The following TMEM38B variants were observed in gnomAD, a reference collection of about 807,000 sequenced individuals.
TMEM38B encodes the protein trimeric intracellular cation channel type B.
In TMEM38B, 24 loss-of-function variants were observed where a neutral mutation model predicts 28.7. The ratio of observed to expected loss-of-function variants is 0.84; its 90% CI spans 0.61 to 1.18. The LOEUF is 1.18. Among genes scored for constraint, TMEM38B ranks in the 50% most tolerant of loss-of-function variants. The probability of loss-of-function intolerance (pLI) is 0.00; values close to 1 mark genes in which losing one functional copy is unlikely to be tolerated. For missense variants in TMEM38B, 380 were observed against 350.9 expected (o/e 1.08, Z -0.66); for synonymous variants, 131 against 127.7 (o/e 1.03, Z -0.17).
intron 5 of TMEM38B, chr9:105,760,164 G>C: frequency 1.1e-6 from 1 of 900,796 alleles, no homozygotes; most frequent in Non-Finnish European, 1.9e-6. Context: ...ATTGTAGAAA[G>C]CTTCAACTTT....
chr9:105,724,814 G>C (rs1381458707), intron 4 of TMEM38B, among the ~76,000 whole-genome samples: 1 of 152,164 alleles, frequency 6.6e-6, no homozygotes, highest in Non-Finnish European at 1.5e-5. Context: ...ATTCAGGGGA[G>C]ATTTTTCTCA....
At chr9:105,772,719 C>T (rs1826594305) in intron 5 of TMEM38B, among the ~76,000 whole-genome samples, 1 of 151,904 alleles carries the variant, frequency 6.6e-6, no homozygotes, top group Non-Finnish European at 1.5e-5. Context: ...TTTTAAAATA[C>T]ACATTTCAGT....
chr9:105,712,130 G>A (rs889365938), intron 2 of TMEM38B, among the ~76,000 whole-genome samples: 2 of 152,142 alleles, frequency 1.3e-5, no homozygotes, highest in Admixed American at 1.3e-4. Flanking sequence ...GGCCAGGCTG[G>A]TCTCGAATTC....
At chr9:105,747,613 T>C (rs1837466966) in intron 4 of TMEM38B, among the ~76,000 whole-genome samples, 1 of 152,330 alleles carries the variant, frequency 6.6e-6, no homozygotes, top group East Asian at 1.9e-4. Flanking sequence ...TCTTGCCTTC[T>C]GCTAGCTTTT....
intron 2 of TMEM38B, among the ~76,000 whole-genome samples, chr9:105,716,374 T>TTGTGTGTGTGTGTGTGTGTGTGTGTGTG (rs139155061): frequency 2.7e-4 from 40 of 150,744 alleles, no homozygotes; most frequent in African/African-American, 9.5e-4. Flanking sequence ...GTTGTAGCAT[T>TTGTGTGTGTGTGTGTGTGTGTGTGTGTG]TGTGTGTGTG....
intron 1 of TMEM38B, among the ~76,000 whole-genome samples, chr9:105,695,505 T>C (rs1835257954): frequency 2.6e-5 from 4 of 152,232 alleles, no homozygotes. Flanking sequence ...TGAGTTCTTT[T>C]AGCAATGCGA....
intron 2 of TMEM38B, among the ~76,000 whole-genome samples, chr9:105,712,398 A>C (rs10739211): frequency 0.43 from 65,162 of 152,024 alleles, 16,087 homozygotes; most frequent in African/African-American, 0.68. Context: ...GTTAACCCTT[A>C]ATTTCTTTCT....
At chr9:105,748,267 C>A in intron 5 of TMEM38B, 77 bp downstream of exon 5, 2 of 1,001,850 alleles carry the variant, frequency 2.0e-6, no homozygotes, top group African/African-American at 1.6e-5. Flanking sequence ...GCATGCTGGG[C>A]AAGTAAGAGG....
At position 105,738,393 on chromosome 9, in the gene TMEM38B, A is replaced by G. The variant is rs191540326; in HGVS notation, c.543-9680A>G. 1.0e-3 allele frequency among the ~76,000 whole-genome samples: 158 copies of G among 152,044 alleles called. 1 individual carries two copies. The highest frequency in any genetic ancestry group is 4.8e-3 in the South Asian group (23 of 4,812). ...CTTTTCTTCCCTTCTCTACATGGCC[A>G]TACTCTGTTTTTGTGCTCTATATAT... On this transcript the variant is annotated intron_variant, in intron 4 of 5. Coordinates refer to ENST00000374692, the MANE Select transcript of TMEM38B (RefSeq NM_018112.3).
chr9:105,731,815 T>C (rs1242253788), intron 4 of TMEM38B, among the ~76,000 whole-genome samples: 1 of 152,206 alleles, frequency 6.6e-6, no homozygotes, highest in Non-Finnish European at 1.5e-5. Context: ...CCTTTAGGTA[T>C]ATACCCAGTA....
chr9:105,694,924 G>A (rs1392406610), intron 1 of TMEM38B, 152 bp downstream of exon 1: 1 of 677,844 alleles, frequency 1.5e-6, no homozygotes, highest in Non-Finnish European at 2.5e-6. Flanking sequence ...CCAAGGGCCG[G>A]TTGGTCTGAC....
At chr9:105,759,569 G>A in intron 5 of TMEM38B, 6 of 1,551,518 alleles carry the variant, frequency 3.9e-6, no homozygotes, top group Admixed American at 3.4e-5. Context: ...AGCAAACCAA[G>A]TTGCTGTTCT....
intron 4 of TMEM38B, among the ~76,000 whole-genome samples, chr9:105,732,365 A>G (rs999939668): frequency 6.6e-6 from 1 of 152,154 alleles, no homozygotes; most frequent in Non-Finnish European, 1.5e-5. Flanking sequence ...TTGGTGTTTT[A>G]GTCATGAAGT....
chr9:105,722,558 A>G lies in TMEM38B; in HGVS notation c.479A>G (p.Asn160Ser). ...ARGAGGTIIT[N>S]FERLVKGDWK... Reference sequence around the variant, plus strand: ...GGTGCAGGTGGTACCATTATAACGAATTTTGAGAGGTTGGTAAAAGGAGAT... The same window carrying G: ...GGTGCAGGTGGTACCATTATAACGAGTTTTGAGAGGTTGGTAAAAGGAGAT... Residue 160 changes from asparagine to serine, a missense_variant, in exon 4 of 6, where the codon AAT becomes AGT. Coordinates refer to ENST00000374692, the MANE Select transcript of TMEM38B (RefSeq NM_018112.3). 6.2e-7 allele frequency: 1 copy of G among 1,613,672 alleles called. No individual in the cohort carries two copies. The highest frequency in any genetic ancestry group is 8.5e-7 in the Non-Finnish European group (1 of 1,179,784).
chr9:105,722,110 A>G (rs774445110), intron 3 of TMEM38B, among the ~76,000 whole-genome samples: 1 of 152,238 alleles, frequency 6.6e-6, no homozygotes, highest in Non-Finnish European at 1.5e-5. Flanking sequence ...TACTAGAAAT[A>G]ATAAATATGA....
chr9:105,748,225 C>G (rs764969731), intron 5 of TMEM38B, 35 bp downstream of exon 5: 33 of 1,446,736 alleles, frequency 2.3e-5, no homozygotes, highest in Non-Finnish European at 3.2e-5. Flanking sequence ...TATTACAAAT[C>G]CTGTATAACT....
At chr9:105,759,370 A>G in intron 5 of TMEM38B, 4 of 1,360,324 alleles carry the variant, frequency 2.9e-6, no homozygotes, top group South Asian at 1.2e-5. Context: ...AGTCTGCTTC[A>G]TAGAGAAAAA....
intron 5 of TMEM38B, among the ~76,000 whole-genome samples, chr9:105,767,392 T>C (rs920731635): frequency 6.6e-6 from 1 of 152,194 alleles, no homozygotes; most frequent in Non-Finnish European, 1.5e-5. Flanking sequence ...TTCTCCAACT[T>C]TATTTTCTCA....
At chr9:105,764,159 T>C (rs1838171667) in intron 5 of TMEM38B, among the ~76,000 whole-genome samples, 1 of 150,964 alleles carries the variant, frequency 6.6e-6, no homozygotes, top group African/African-American at 2.4e-5. Flanking sequence ...GCATTCCCTT[T>C]GAAAACTGGC....
Sources: gnomAD v4.1 joint callset for allele counts (sites outside exome capture counted in the v4.1 genomes callset) on GRCh38, gnomAD v4.1.1 for gene constraint, MANE v1.5 for transcripts, NCBI Gene and HGNC (gene_info 2026-07-23, HGNC 2026-07-21) for gene names.